Variants in CFAP70 observed in about 807,000 individuals in gnomAD.
CFAP70 encodes the protein cilia and flagella associated protein 70, also known as cilia- and flagella-associated protein 70.
A neutral mutation model predicts 137.6 loss-of-function variants in CFAP70; 81 were observed. That is an observed-to-expected ratio of 0.59 (90% CI 0.49 to 0.71). CFAP70 has a LOEUF of 0.71. CFAP70 is among the 30% of genes least tolerant of loss of function. The pLI, the probability that CFAP70 is intolerant of heterozygous loss-of-function variation, is 0.00. For synonymous variants in CFAP70, 382 were observed against 423.6 expected, an observed-to-expected ratio of 0.90 and a Z score of 1.20; for missense variants, 976 against 1,226.7, an observed-to-expected ratio of 0.80 and a Z score of 3.05.
At chr10:73,294,537 T>C (rs992017777) in intron 15 of CFAP70, 1 of 152,242 alleles carries the variant, frequency 6.6e-6, no homozygotes, top group Admixed American at 6.5e-5. Context: ...ACACAGAGAT[T>C]GGTATCTAAG....
intron 10 of CFAP70, 65 bp from the exon 12 acceptor site, chr10:73,311,979 A>C (rs767881759): frequency 4.2e-4 from 521 of 1,240,176 alleles, no homozygotes; most frequent in Non-Finnish European, 5.7e-4. Context: ...GACAAGAACA[A>C]TGTTCTCTAC....
At chr10:73,298,315 G>A (rs1204679986) in intron 14 of CFAP70, among the ~76,000 whole-genome samples, 1 of 152,064 alleles carries the variant, frequency 6.6e-6, no homozygotes, top group African/African-American at 2.4e-5. Flanking sequence ...TGTAATAAAT[G>A]TTAGCCATTA....
chr10:73,322,506 A>G (rs2132206967), intron 9 of CFAP70, among the ~76,000 whole-genome samples: 1 of 150,558 alleles, frequency 6.6e-6, no homozygotes, highest in East Asian at 2.0e-4. Context: ...GAGCCCAGGA[A>G]TTTGAGGCAG....
chr10:73,336,304 T>C (rs549968911), intron 6 of CFAP70, among the ~76,000 whole-genome samples: 5 of 152,308 alleles, frequency 3.3e-5, no homozygotes. Flanking sequence ...AACTGAAACA[T>C]AAAATATAAT....
intron 9 of CFAP70, among the ~76,000 whole-genome samples, chr10:73,320,136 T>C (rs1187747682): frequency 6.6e-6 from 1 of 152,212 alleles, no homozygotes; most frequent in Non-Finnish European, 1.5e-5. Context: ...AGAAACTTGA[T>C]GTTTTTGGTA....
exon 12 of CFAP70, chr10:73,310,229 T>A (rs1419462715): frequency 6.2e-7 from 1 of 1,612,296 alleles, no homozygotes; most frequent in Admixed American, 1.7e-5. Flanking sequence ...ACACAATGTA[T>A]GTCCCTGCTT....
chr10:73,266,036 G>A (rs2045725802), intron 25 of CFAP70, among the ~76,000 whole-genome samples: 1 of 152,044 alleles, frequency 6.6e-6, no homozygotes, highest in Admixed American at 6.6e-5. Context: ...CCTGCCCATG[G>A]ACATGGTATA....
At chr10:73,360,851 CAGAA>C (rs1422488198), upstream of CFAP70, among the ~76,000 whole-genome samples, 10 of 152,102 alleles carry the variant, frequency 6.6e-5, no homozygotes, top group African/African-American at 2.2e-4. Flanking sequence ...GCTGTTCTTC[CAGAA>C]ATCGCTCATG....
At chr10:73,299,705 A>AT (rs755134213) in intron 12 of CFAP70, 40 bp from the exon 14 acceptor site, 3 of 1,486,614 alleles carry the variant, frequency 2.0e-6, no homozygotes, top group Non-Finnish European at 2.8e-6. Flanking sequence ...ACAAAAAAAA[A>AT]TTTATTATCT....
At chr10:73,298,034 C>A (rs1024651922) in intron 14 of CFAP70, among the ~76,000 whole-genome samples, 1 of 152,266 alleles carries the variant, frequency 6.6e-6, no homozygotes, top group Non-Finnish European at 1.5e-5. Context: ...TTCTTTATAT[C>A]TGTTTAGTAC....
chr10:73,292,497 G>A (rs945162059), intron 16 of CFAP70, among the ~76,000 whole-genome samples: 4 of 152,116 alleles, frequency 2.6e-5, no homozygotes, highest in Admixed American at 6.5e-5. Context: ...ACTTAATATT[G>A]TTAAGATGTC....
At chr10:73,310,161 C>T (rs2049789139) in exon 12 of CFAP70, 1 of 1,606,942 alleles carries the variant, frequency 6.2e-7, no homozygotes, top group Non-Finnish European at 8.5e-7. Context: ...TACAAACCTT[C>T]TGGCTAGCTC....
chr10:73,334,022 T>C (rs979551019), intron 7 of CFAP70, among the ~76,000 whole-genome samples: 18 of 152,302 alleles, frequency 1.2e-4, no homozygotes, highest in South Asian at 6.2e-4. Flanking sequence ...CTCTAAAATA[T>C]CTGCTCAATT....
At chr10:73,271,954 C>T (rs1564761194) in intron 24 of CFAP70, among the ~76,000 whole-genome samples, 1 of 152,200 alleles carries the variant, frequency 6.6e-6, no homozygotes, top group Non-Finnish European at 1.5e-5. Context: ...ATCCTTCAGC[C>T]TCAGCCTCCC....
At chr10:73,310,137 A>G in intron 12 of CFAP70, 21 bp downstream of exon 13, 5 of 1,544,586 alleles carry the variant, frequency 3.2e-6, no homozygotes, top group Non-Finnish European at 4.4e-6. Context: ...CAAAACTAGT[A>G]TAAGCACCAT....
chr10:73,262,060 TG>T lies in CFAP70; in HGVS notation c.3028-5645del, dbSNP rs575730484. Among the ~76,000 whole-genome samples the T allele has an allele frequency of 5.3e-3, 718 of 134,278 alleles. 6 individuals carry two copies. Among genetic ancestry groups the T allele is most frequent in the African/African-American group, 0.017 (606 of 34,932 alleles). The allele number at this position is 134,278 out of a possible 152,430, so 88.1% of individuals were successfully genotyped here. A position where few individuals can be genotyped will look rare whatever the true frequency, so the allele number is the denominator to read the frequency against. ...ATATGTATATATTATATATTATATA[TG>T]TATATATGTATATATTATATATGTA... is the stretch of plus-strand genomic sequence containing the variant. On this transcript the variant is annotated intron_variant, in intron 25 of 26. Transcript: ENST00000310715.
intron 4 of CFAP70, 132 bp from the exon 6 acceptor site, chr10:73,345,376 C>G: frequency 1.2e-6 from 1 of 823,982 alleles, no homozygotes; most frequent in Non-Finnish European, 1.9e-6. Flanking sequence ...TAAGTTGAAA[C>G]CATGTTCTCT....
chr10:73,335,769 TACTG>T (rs1021385996), intron 6 of CFAP70, among the ~76,000 whole-genome samples: 5 of 151,790 alleles, frequency 3.3e-5, no homozygotes, highest in South Asian at 4.1e-4. Flanking sequence ...AAGATCCAAA[TACTG>T]ACTAACAACC....
intron 8 of CFAP70, among the ~76,000 whole-genome samples, chr10:73,329,292 A>G (rs2051819980): frequency 6.6e-6 from 1 of 152,098 alleles, no homozygotes; most frequent in Admixed American, 6.6e-5. Flanking sequence ...CTGAACAATG[A>G]GAACACATGG....
Sources: allele counts gnomAD v4.1 joint callset (sites outside exome capture counted in the v4.1 genomes callset), GRCh38; gene constraint gnomAD v4.1.1; transcripts MANE v1.5; gene names NCBI Gene and HGNC (gene_info 2026-07-23, HGNC 2026-07-21).